USP5: variants seen among roughly 807,000 people sequenced by gnomAD.
USP5 encodes the protein ubiquitin specific peptidase 5.
A neutral mutation model predicts 102.5 loss-of-function variants in USP5; 24 were observed. The observed-to-expected ratio is 0.23, with a 90% CI of 0.17 to 0.33. The LOEUF is 0.33. Among genes scored for constraint, USP5 ranks in the 10% least tolerant of loss-of-function variants. The probability of loss-of-function intolerance (pLI) is 1.00; values close to 1 mark genes in which losing one functional copy is unlikely to be tolerated. For missense variants in USP5, 753 were observed against 1,122.1 expected (o/e 0.67, Z 4.70); for synonymous variants, 460 against 434.8 (o/e 1.06, Z -0.72).
chr12:6,856,857 T>C lies in USP5; in HGVS notation c.735T>C (p.Ala245=), dbSNP rs1555128450. Residue 245 remains alanine (A), a synonymous_variant, in exon 6 of 20, where the codon GCT becomes GCC. Transcript: ENST00000229268. This position sits in a 1 kb window ranked among gnomAD's most constrained non-coding sequence, Gnocchi z 5.6. ...ACCGAGAGACAGGCTACCCGTTAGC[T>C]GTCAAGCTGGGCACCATCACCCCTG... ...EHYRETGYPL[A]VKLGTITPDG... 1.2e-6 allele frequency: 2 copies of C among 1,614,042 alleles called. No individual in the cohort carries two copies. The highest frequency in any genetic ancestry group is 1.7e-6 in the Non-Finnish European group (2 of 1,179,976).
chr12:6,857,602 T>G (rs1944155966), intron 6 of USP5, 27 bp from the exon 7 acceptor site: 1 of 1,605,866 alleles, frequency 6.2e-7, no homozygotes, highest in Non-Finnish European at 8.5e-7. Context: ...CCACTTCCCC[T>G]GATTCTCTTC....
At position 6,857,734 on chromosome 12, in the gene USP5, C is replaced by T; in HGVS notation, c.864+11C>T. On this transcript the variant is annotated intron_variant, in intron 7 of 19. Transcript: ENST00000229268. ...CTGAAGATGCAGAAGGTGAGACCCCCTTCAACTTCAGATTCTTCTACTTCC... is the reference window on the plus strand; with the variant it reads ...CTGAAGATGCAGAAGGTGAGACCCCTTTCAACTTCAGATTCTTCTACTTCC... 6.2e-7 allele frequency: 1 copy of T among 1,613,900 alleles called. No homozygotes were observed. Among genetic ancestry groups the T allele is most frequent in the Non-Finnish European group, 8.5e-7 (1 of 1,179,868 alleles).
At chr12:6,862,617 A>G (rs1565533186) in intron 14 of USP5, 59 bp downstream of exon 14, 4 of 1,464,386 alleles carry the variant, frequency 2.7e-6, no homozygotes, top group East Asian at 4.5e-5. Context: ...AAGGGGCTTT[A>G]ACACATATAA....
In USP5 at chr12:6,864,601, A is replaced by G; in HGVS notation, c.2245-121A>G. The G allele has an allele frequency of 9.0e-7, 1 of 1,115,400 alleles. No individual in the cohort carries two copies. The highest frequency in any genetic ancestry group is 1.3e-6 in the Non-Finnish European group (1 of 790,512). The allele number at this position is 1,115,400 out of a possible 1,614,324, so 69.1% of individuals were successfully genotyped here. A position where few individuals can be genotyped will look rare whatever the true frequency, so the allele number is the denominator to read the frequency against. On this transcript the variant is annotated intron_variant, in intron 17 of 19. Transcript: ENST00000229268. The surrounding 1 kb of genome is among the most constrained non-coding windows in gnomAD (Gnocchi z 4.8). ...CTACTTGGGAGGCTGAGGCAGGAGA[A>G]AGGCGTGAACCCGGGAGGCGGAGCT...
chr12:6,857,162 C>T (rs1944141441), intron 6 of USP5, among the ~76,000 whole-genome samples: 2 of 152,058 alleles, frequency 1.3e-5, no homozygotes, highest in Admixed American at 1.3e-4. Context: ...GGTGTGGTAG[C>T]TCCTGCCTGT....
chr12:6,852,367 C>G, intron 1 of USP5, 77 bp downstream of exon 1: 1 of 1,412,418 alleles, frequency 7.1e-7, no homozygotes, highest in Non-Finnish European at 9.7e-7. Flanking sequence ...GCCTGCAAGG[C>G]TTGGGCTACC....
rs1944270566 is a variant in USP5 at position 6,861,325 on chromosome 12, CA to C, written c.1499-117del. 1.5e-6 allele frequency: 2 copies of C among 1,334,520 alleles called. No homozygotes were observed. Among genetic ancestry groups the C allele is most frequent in the Non-Finnish European group, 1.0e-6 (1 of 977,660 alleles). The allele number at this position is 1,334,520 out of a possible 1,614,324, so 82.7% of individuals were successfully genotyped here. ...CAGGCGAGATATATTGGACATGTGT[CA>C]GGGGTGCTTTGGAAGGGTAGAGGAA... On this transcript the variant is annotated intron_variant, in intron 12 of 19. Coordinates refer to ENST00000229268, the MANE Select transcript of USP5 (RefSeq NM_001098536.2). The surrounding 1 kb of genome is among the most constrained non-coding windows in gnomAD (Gnocchi z 4.9).
rs1000125271 is a variant in USP5, at chr12:6,859,545, T to C, written c.1130+4T>C. On this transcript the variant is annotated splice_donor_region_variant and intron_variant, in intron 9 of 19. Transcript: ENST00000229268. ...CCCAGGATTTCAGCACCCAGGTGTA[T>C]GTAACCAGGTCCTATGTAGGAAAGC... 3 of 1,614,012 alleles carry C rather than the reference T, an allele frequency of 1.9e-6. No homozygotes were observed. Among genetic ancestry groups the C allele is most frequent in the Admixed American group, 1.7e-5 (1 of 60,004 alleles).
chr12:6,853,912 G>A (rs1944029843), intron 1 of USP5, among the ~76,000 whole-genome samples: 2 of 152,222 alleles, frequency 1.3e-5, no homozygotes, highest in African/African-American at 2.4e-5. Context: ...CTTAGACAGT[G>A]CACTATTTTT....
In USP5 at chr12:6,858,169, A is replaced by G. The variant is rs1427069078; in HGVS notation, c.865-255A>G. ...GGTTAGGGGTAACTTAAGGATGGGA[A>G]AAACATTTCAGGTAGAAGGAAATTT... is the stretch of plus-strand genomic sequence containing the variant. On this transcript the variant is annotated intron_variant, in intron 7 of 19. Transcript: ENST00000229268. This position sits in a 1 kb window ranked among gnomAD's most constrained non-coding sequence, Gnocchi z 4.2. 9.9e-5 allele frequency among the ~76,000 whole-genome samples: 15 copies of G among 152,218 alleles called. No individual in the cohort carries two copies. Among genetic ancestry groups the G allele is most frequent in the African/African-American group, 2.9e-4 (12 of 41,460 alleles).
Position 6,858,813 on chromosome 12 carries a change from G to A in USP5, c.1058+196G>A. The A allele has an allele frequency of 2.0e-6, 1 of 499,882 alleles. No individual in the cohort carries two copies. The highest frequency in any genetic ancestry group is 3.6e-6 in the Non-Finnish European group (1 of 279,826). The allele number at this position is 499,882 out of a possible 1,614,324, so 31.0% of individuals were successfully genotyped here. A position where few individuals can be genotyped will look rare whatever the true frequency, so the allele number is the denominator to read the frequency against. ...ATGGGAGAATTGCTTGAGCCCAGGAGGTTGAGACCAGCCTGGGCAACATAG... is the reference window on the plus strand; with the variant it reads ...ATGGGAGAATTGCTTGAGCCCAGGAAGTTGAGACCAGCCTGGGCAACATAG... On this transcript the variant is annotated intron_variant, in intron 8 of 19. Coordinates refer to ENST00000229268, the MANE Select transcript of USP5 (RefSeq NM_001098536.2). This position sits in a 1 kb window ranked among gnomAD's most constrained non-coding sequence, Gnocchi z 4.2.
rs1252058344 is a variant in USP5 at position 6,861,141 on chromosome 12, G to A, written c.1498+35G>A. The A allele has an allele frequency of 1.2e-6, 2 of 1,611,874 alleles. No individual in the cohort carries two copies. Among genetic ancestry groups the A allele is most frequent in the African/African-American group, 1.3e-5 (1 of 75,008 alleles). On this transcript the variant is annotated intron_variant, in intron 12 of 19. Coordinates refer to ENST00000229268, the MANE Select transcript of USP5 (RefSeq NM_001098536.2). The surrounding 1 kb of genome is among the most constrained non-coding windows in gnomAD (Gnocchi z 4.9). ...TCCATCAGCAAGGCCGTGGCACGGTGGGAGGCTAAGGTCTAGGAGGAATGC... is the reference window on the plus strand; with the variant it reads ...TCCATCAGCAAGGCCGTGGCACGGTAGGAGGCTAAGGTCTAGGAGGAATGC...
intron 19 of USP5, among the ~76,000 whole-genome samples, 184 bp from the exon 20 acceptor site, chr12:6,865,800 A>T (rs1452019089): frequency 6.6e-6 from 1 of 152,116 alleles, no homozygotes; most frequent in African/African-American, 2.4e-5. Flanking sequence ...CTGAAGACAT[A>T]ATAGGGTCCG....
chr12:6,860,190 C>T lies in USP5; in HGVS notation c.1170C>T (p.Ser390=), dbSNP rs782486072. 1.2e-6 allele frequency: 2 copies of T among 1,607,448 alleles called. No individual in the cohort carries two copies. The highest frequency in any genetic ancestry group is 1.3e-5 in the African/African-American group (1 of 74,222). The change falls in exon 10 of 20, where the codon TCC becomes TCT. Residue 390 remains serine (S), a synonymous_variant. Transcript: ENST00000229268. This position sits in a 1 kb window ranked among gnomAD's most constrained non-coding sequence, Gnocchi z 5.5. The part of the protein sequence containing the change: ...LGHGLLSGEY[S]KPVPESGDGE... ...ATGGCCTTCTCTCCGGGGAGTATTC[C>T]AAGCCAGTACCGGAGTCGGGCGATG...
At position 6,855,395 on chromosome 12, in the gene USP5, C is replaced by A; in HGVS notation, c.112-6C>A. 1 of 1,614,110 alleles carries A rather than the reference C, an allele frequency of 6.2e-7. No homozygotes were observed. Among genetic ancestry groups the A allele is most frequent in the Non-Finnish European group, 8.5e-7 (1 of 1,179,980 alleles). On this transcript the variant is annotated splice_polypyrimidine_tract_variant and splice_region_variant and intron_variant, in intron 1 of 19. Coordinates refer to ENST00000229268, the MANE Select transcript of USP5 (RefSeq NM_001098536.2). The surrounding 1 kb of genome is among the most constrained non-coding windows in gnomAD (Gnocchi z 4.6). The stretch of plus-strand genomic sequence containing the variant: ...CGTGTTTTCACCCTTACCTCTTGTC[C>A]CACAGGAGTCTGAGGGGGGCCTCTA...
chr12:6,855,301 CT>C lies in USP5; in HGVS notation c.112-98del, dbSNP rs1555127866. ...CACAGTGTTAGAGAACAGAACATTTCTTCTGGAACCCAGCAGTTTCTGACTC... is the reference window on the plus strand; with the variant it reads ...CACAGTGTTAGAGAACAGAACATTTCTCTGGAACCCAGCAGTTTCTGACTC... On this transcript the variant is annotated intron_variant, in intron 1 of 19. Coordinates refer to ENST00000229268, the MANE Select transcript of USP5 (RefSeq NM_001098536.2). The surrounding 1 kb of genome is among the most constrained non-coding windows in gnomAD (Gnocchi z 4.6). The C allele has an allele frequency of 4.6e-6, 7 of 1,507,680 alleles. No homozygotes were observed. Among genetic ancestry groups the C allele is most frequent in the Non-Finnish European group, 6.3e-6 (7 of 1,109,854 alleles). 93.4% of individuals were successfully genotyped at this position (1,507,680 alleles called of 1,614,324 possible). A position where few individuals can be genotyped will look rare whatever the true frequency, so the allele number is the denominator to read the frequency against.
rs782760821 is a variant in USP5 at position 6,856,623 on chromosome 12, G to A, written c.585-84G>A. Reference sequence around the variant, plus strand: ...GAAGAGAGAGAGACCTTGGATTGGCGGGGGGCCTGCAGAGCCCTCTCTCTC... The same window carrying A: ...GAAGAGAGAGAGACCTTGGATTGGCAGGGGGCCTGCAGAGCCCTCTCTCTC... On this transcript the variant is annotated intron_variant, in intron 5 of 19. Transcript: ENST00000229268. The surrounding 1 kb of genome is among the most constrained non-coding windows in gnomAD (Gnocchi z 5.6). 43 of 1,549,524 alleles carry A rather than the reference G, an allele frequency of 2.8e-5. No homozygotes were observed. The highest frequency in any genetic ancestry group is 1.9e-4 in the South Asian group (16 of 83,128).
In USP5 at chr12:6,863,122, G is replaced by A; in HGVS notation, c.1763-64G>A. 1.3e-6 allele frequency: 2 copies of A among 1,511,788 alleles called. No homozygotes were observed. The highest frequency in any genetic ancestry group is 1.8e-6 in the Non-Finnish European group (2 of 1,123,442). 93.6% of individuals were successfully genotyped at this position (1,511,788 alleles called of 1,614,324 possible). A position where few individuals can be genotyped will look rare whatever the true frequency, so the allele number is the denominator to read the frequency against. ...GTTCTGACATAGGGGGCAGGGGATT[G>A]AGGTTCCCGAATCACTTTCCAGGTA... On this transcript the variant is annotated intron_variant, in intron 14 of 19. Coordinates refer to ENST00000229268, the MANE Select transcript of USP5 (RefSeq NM_001098536.2). The surrounding 1 kb of genome is among the most constrained non-coding windows in gnomAD (Gnocchi z 4.7).
chr12:6,860,571 G>GCCCCAACCCAGTCCCAT lies in USP5; in HGVS notation c.1344+84_1344+100dup. On this transcript the variant is annotated intron_variant, in intron 11 of 19. Coordinates refer to ENST00000229268, the MANE Select transcript of USP5 (RefSeq NM_001098536.2). The surrounding 1 kb of genome is among the most constrained non-coding windows in gnomAD (Gnocchi z 5.5). ...TTCCTGCCCATTTCTCCCTCTATCAGCCCCAACCCAGTCCCATCCCTGAAC... is the reference window on the plus strand; with the variant it reads ...TTCCTGCCCATTTCTCCCTCTATCAGCCCCAACCCAGTCCCATCCCCAACCCAGTCCCATCCCTGAAC... 1 of 1,591,016 alleles carries GCCCCAACCCAGTCCCAT rather than the reference G, an allele frequency of 6.3e-7. No individual in the cohort carries two copies. Among genetic ancestry groups the GCCCCAACCCAGTCCCAT allele is most frequent in the East Asian group, 2.2e-5 (1 of 44,794 alleles).
Sources: gnomAD v4.1 joint callset for allele counts (sites outside exome capture counted in the v4.1 genomes callset) on GRCh38, gnomAD v4.1.1 for gene constraint, Gnocchi (gnomAD v3.1) non-coding constraint, MANE v1.5 for transcripts, NCBI Gene and HGNC (gene_info 2026-07-23, HGNC 2026-07-21) for gene names.